The following RAP1GDS1 variants were observed in gnomAD, a reference collection of about 807,000 sequenced individuals.
RAP1GDS1 encodes the protein RAP1, GTP-GDP dissociation stimulator 1.
In RAP1GDS1, 35 loss-of-function variants were observed where a neutral mutation model predicts 71.1. The observed-to-expected ratio is 0.49, with a 90% CI of 0.38 to 0.65. The LOEUF (loss-of-function observed/expected upper bound fraction) is 0.65. Ranked by LOEUF, RAP1GDS1 falls within the 30% of genes least tolerant of loss-of-function variation. The probability of loss-of-function intolerance (pLI) is 0.00; values close to 1 mark genes in which losing one functional copy is unlikely to be tolerated. For missense variants in RAP1GDS1, 663 were observed against 706.1 expected, an observed-to-expected ratio of 0.94 and a Z score of 0.69; for synonymous variants, 229 against 243.1, an observed-to-expected ratio of 0.94 and a Z score of 0.54.
intron 6 of RAP1GDS1, among the ~76,000 whole-genome samples, chr4:98,393,324 T>G (rs1000382589): frequency 1.3e-5 from 2 of 152,368 alleles, no homozygotes; most frequent in Admixed American, 6.5e-5. Flanking sequence ...CATATCCCAG[T>G]ATTTGTGAAT....
intron 4 of RAP1GDS1, among the ~76,000 whole-genome samples, chr4:98,373,798 A>G (rs1740756123): frequency 6.6e-6 from 1 of 152,206 alleles, no homozygotes. Flanking sequence ...AGTTATAGCC[A>G]TATGTCAGCA....
intron 1 of RAP1GDS1, among the ~76,000 whole-genome samples, chr4:98,264,702 A>G (rs1722497307): frequency 6.6e-6 from 1 of 152,214 alleles, no homozygotes; most frequent in African/African-American, 2.4e-5. Context: ...TACATATATT[A>G]TAGATTCAGA....
intron 4 of RAP1GDS1, among the ~76,000 whole-genome samples, chr4:98,365,720 T>A (rs937986329): frequency 1.3e-5 from 2 of 152,256 alleles, no homozygotes; most frequent in African/African-American, 4.8e-5. Flanking sequence ...TAACTTTTTT[T>A]AAATGTTACT....
chr4:98,443,611 A>G lies in RAP1GDS1; in HGVS notation c.*1494A>G, dbSNP rs943950211. The G allele has an allele frequency of 4.6e-6, 1 of 217,228 alleles. No homozygotes were observed. The highest frequency in any genetic ancestry group is 9.3e-6 in the Non-Finnish European group (1 of 108,020). The allele number at this position is 217,228 out of a possible 1,614,324, so 13.5% of individuals were successfully genotyped here. A position where few individuals can be genotyped will look rare whatever the true frequency, so the allele number is the denominator to read the frequency against. On this transcript the variant is annotated 3_prime_UTR_variant, in exon 15 of 15. Coordinates refer to ENST00000408927, the MANE Select transcript of RAP1GDS1 (RefSeq NM_001100427.2). Reference sequence around the variant, plus strand: ...TAATCTAAGTTGGACTTTTGACTCTAAAACAGCTATAATCCAAGAAAGTTA... The same window carrying G: ...TAATCTAAGTTGGACTTTTGACTCTGAAACAGCTATAATCCAAGAAAGTTA...
At position 98,348,602 on chromosome 4, in the gene RAP1GDS1, A is replaced by G. The variant is rs527652185; in HGVS notation, c.236-3874A>G. On this transcript the variant is annotated intron_variant, in intron 3 of 14. Transcript: ENST00000408927. ...CCACCAACAGTGTAAAAGTGTTCCTATTTCTCCACAGCCAATCCAGCACCT... is the reference window on the plus strand; with the variant it reads ...CCACCAACAGTGTAAAAGTGTTCCTGTTTCTCCACAGCCAATCCAGCACCT... Among the ~76,000 whole-genome samples, 12 of 152,254 alleles carry G rather than the reference A, an allele frequency of 7.9e-5. 1 individual carries two copies. Among genetic ancestry groups the G allele is most frequent in the South Asian group, 4.1e-4 (2 of 4,820 alleles).
At chr4:98,297,024 T>C (rs1727880434) in intron 2 of RAP1GDS1, 1 of 183,074 alleles carries the variant, frequency 5.5e-6, no homozygotes. Flanking sequence ...TTCTCTTTTT[T>C]TTTTTTTTGT....
At chr4:98,402,114 C>T (rs1292185714) in intron 6 of RAP1GDS1, among the ~76,000 whole-genome samples, 2 of 152,014 alleles carry the variant, frequency 1.3e-5, no homozygotes, top group African/African-American at 2.4e-5. Flanking sequence ...ACTGTGTCAC[C>T]CAGACTGGAG....
intron 2 of RAP1GDS1, among the ~76,000 whole-genome samples, chr4:98,299,589 G>A (rs1209870572): frequency 3.3e-5 from 5 of 151,592 alleles, no homozygotes; most frequent in Non-Finnish European, 7.4e-5. Flanking sequence ...CAGATGAGGA[G>A]TCACTTCTTA....
At chr4:98,348,326 A>G (rs1018810869) in intron 3 of RAP1GDS1, among the ~76,000 whole-genome samples, 2 of 152,140 alleles carry the variant, frequency 1.3e-5, no homozygotes, top group Non-Finnish European at 2.9e-5. Context: ...ATAATATTCC[A>G]TGGTGTATAT....
chr4:98,337,608 CTT>C (rs1734888893), intron 2 of RAP1GDS1, among the ~76,000 whole-genome samples: 1 of 151,972 alleles, frequency 6.6e-6, no homozygotes, highest in South Asian at 2.1e-4. Context: ...TACAAATGCT[CTT>C]AATAAAAAAT....
rs1421667476 is a variant in RAP1GDS1 at position 98,314,368 on chromosome 4, G to C, written c.112+20853G>C. ...ACTTCAAAAGAAATCAAGTTTCCTT[G>C]GTGAGAGAATCTTATCAAGATTCTT... On this transcript the variant is annotated intron_variant, in intron 2 of 14. Transcript: ENST00000408927. 2.0e-5 allele frequency among the ~76,000 whole-genome samples: 3 copies of C among 152,074 alleles called. No homozygotes were observed. The East Asian group carries it at 5.8e-4, about 29-fold the overall frequency.
rs1197054294 is a variant in RAP1GDS1 at position 98,307,290 on chromosome 4, C to T, written c.112+13775C>T. ...TGTTTGTCTAATATTGTGCTGTTAC[C>T]TTACCATGCTATTTTAATTATGGTA... On this transcript the variant is annotated intron_variant, in intron 2 of 14. Coordinates refer to ENST00000408927, the MANE Select transcript of RAP1GDS1 (RefSeq NM_001100427.2). 2.0e-5 allele frequency among the ~76,000 whole-genome samples: 3 copies of T among 151,858 alleles called. No individual in the cohort carries two copies. In the East Asian group the frequency reaches 5.8e-4, roughly 29 times the overall value.
intron 2 of RAP1GDS1, among the ~76,000 whole-genome samples, chr4:98,335,697 C>T (rs990388655): frequency 9.9e-5 from 15 of 151,092 alleles, no homozygotes; most frequent in South Asian, 4.2e-4. Context: ...AATGCTAGAC[C>T]GTAGTGATAG....
chr4:98,343,996 T>C (rs555999366), intron 3 of RAP1GDS1, among the ~76,000 whole-genome samples: 1 of 152,332 alleles, frequency 6.6e-6, no homozygotes, highest in East Asian at 1.9e-4. Flanking sequence ...TATTGTAGTA[T>C]GTTTCATATA....
chr4:98,397,955 A>C (rs576143699), intron 6 of RAP1GDS1, among the ~76,000 whole-genome samples: 1 of 152,264 alleles, frequency 6.6e-6, no homozygotes, highest in South Asian at 2.1e-4. Flanking sequence ...GGTTCTCTAC[A>C]AAAGGCCAGC....
chr4:98,339,677 A>G (rs570635068), intron 2 of RAP1GDS1, among the ~76,000 whole-genome samples: 1 of 152,292 alleles, frequency 6.6e-6, no homozygotes, highest in South Asian at 2.1e-4. Context: ...GATATCTGAG[A>G]ACATCCTCAG....
intron 12 of RAP1GDS1, among the ~76,000 whole-genome samples, chr4:98,430,079 C>T (rs1750182374): frequency 2.0e-5 from 3 of 152,078 alleles, no homozygotes; most frequent in Admixed American, 2.0e-4. Context: ...ATCCCCCTTT[C>T]CCTCATCTAA....
chr4:98,401,715 A>T (rs1303323873), intron 6 of RAP1GDS1, among the ~76,000 whole-genome samples: 1 of 152,186 alleles, frequency 6.6e-6, no homozygotes, highest in African/African-American at 2.4e-5. Context: ...ATTATACTTC[A>T]TGCTGTCTTT....
intron 5 of RAP1GDS1, among the ~76,000 whole-genome samples, chr4:98,391,514 T>TAAGA (rs1743662440): frequency 6.6e-6 from 1 of 152,124 alleles, no homozygotes; most frequent in African/African-American, 2.4e-5. Context: ...TAAAGGATTC[T>TAAGA]AAGATTTTTT....
Sources: gnomAD v4.1 joint callset for allele counts (sites outside exome capture counted in the v4.1 genomes callset) on GRCh38, gnomAD v4.1.1 for gene constraint, MANE v1.5 for transcripts, NCBI Gene and HGNC (gene_info 2026-07-23, HGNC 2026-07-21) for gene names.